DNAJC5B: variants seen among roughly 807,000 people sequenced by gnomAD.
The protein encoded by DNAJC5B is DnaJ heat shock protein family (Hsp40) member C5 beta.
A neutral mutation model predicts 24.7 loss-of-function variants in DNAJC5B; 23 were observed. That is an observed-to-expected ratio of 0.93 (90% CI 0.67 to 1.32). DNAJC5B has a LOEUF of 1.32. Among genes scored for constraint, DNAJC5B ranks in the 40% most tolerant of loss-of-function variants. The pLI is 0.00. For missense variants in DNAJC5B, 238 were observed against 240.8 expected, an observed-to-expected ratio of 0.99 and a Z score of 0.08; for synonymous variants, 101 against 90.1, an observed-to-expected ratio of 1.12 and a Z score of -0.68.
At chr8:66,081,909 G>C (rs2128964966) in intron 5 of DNAJC5B, among the ~76,000 whole-genome samples, 1 of 152,138 alleles carries the variant, frequency 6.6e-6, no homozygotes, top group East Asian at 1.9e-4. Flanking sequence ...AGATGTAAAA[G>C]GACAAATTAA....
intron 1 of DNAJC5B, among the ~76,000 whole-genome samples, chr8:66,030,496 T>C (rs1806335402): frequency 6.6e-6 from 1 of 152,232 alleles, no homozygotes; most frequent in Non-Finnish European, 1.5e-5. Flanking sequence ...TCCAGAATCA[T>C]GGGTCACAAT....
rs748922365 is a variant in DNAJC5B at position 66,100,022 on chromosome 8, A to C, written c.591A>C (p.Thr197=). The C allele has an allele frequency of 6.2e-7, 1 of 1,613,924 alleles. No homozygotes were observed. The highest frequency in any genetic ancestry group is 1.1e-5 in the South Asian group (1 of 91,056). ...AAGAAGGATCTCGAAGTTATTGCAC[A>C]GACTCTTGATATTGAGCCCTCAGAG... The part of the protein sequence containing the change: ...LIKEGSRSYC[T]DS Residue 197 remains threonine, a synonymous_variant, in exon 6 of 6, where the codon ACA becomes ACC. Transcript: ENST00000276570.
At chr8:66,020,594 C>CTGTGTGTGTGTG (rs10526018), upstream of DNAJC5B, among the ~76,000 whole-genome samples, 6 of 132,354 alleles carry the variant, frequency 4.5e-5, no homozygotes, top group East Asian at 2.5e-4. Context: ...AATCAATACT[C>CTGTGTGTGTGTG]TGTGTGTGTG....
intron 4 of DNAJC5B, among the ~76,000 whole-genome samples, chr8:66,079,633 A>C (rs1264040338): frequency 6.6e-6 from 1 of 152,230 alleles, no homozygotes; most frequent in African/African-American, 2.4e-5. Flanking sequence ...AGGCATTGGC[A>C]GAGCCAGATC....
chr8:66,074,926 A>G (rs1039453313), intron 3 of DNAJC5B, among the ~76,000 whole-genome samples: 2 of 152,170 alleles, frequency 1.3e-5, no homozygotes, highest in African/African-American at 4.8e-5. Flanking sequence ...TGCCAACTCC[A>G]TTGTTAGGAG....
chr8:66,029,424 C>T (rs984334856), intron 1 of DNAJC5B, among the ~76,000 whole-genome samples: 4 of 152,090 alleles, frequency 2.6e-5, no homozygotes, highest in Non-Finnish European at 5.9e-5. Context: ...GGGGCAAGTC[C>T]GTGGGGCTGG....
intron 3 of DNAJC5B, among the ~76,000 whole-genome samples, chr8:66,062,247 T>C (rs968113419): frequency 6.6e-6 from 1 of 152,232 alleles, no homozygotes; most frequent in Non-Finnish European, 1.5e-5. Flanking sequence ...GGACCATTTC[T>C]CAAATAATTA....
chr8:66,081,005 T>C (rs992143239), intron 5 of DNAJC5B, among the ~76,000 whole-genome samples: 2 of 152,172 alleles, frequency 1.3e-5, no homozygotes, highest in Admixed American at 1.3e-4. Flanking sequence ...TTTTAATGAC[T>C]TGATTATGAA....
At position 66,061,606 on chromosome 8, in the gene DNAJC5B, AGAGAGT is replaced by A. The variant is rs1177912473; in HGVS notation, c.119+9942_119+9947del. On this transcript the variant is annotated intron_variant, in intron 3 of 5. Coordinates refer to ENST00000276570, the MANE Select transcript of DNAJC5B (RefSeq NM_033105.6). ...AGAATGGATAGAGAGAGAGAGAGAG[AGAGAGT>A]GTGTGTGTGTGTGTGTGTGTGTGCG... Among the ~76,000 whole-genome samples, 128 of 150,158 alleles carry A rather than the reference AGAGAGT, an allele frequency of 8.5e-4. 1 individual carries two copies. Among genetic ancestry groups the A allele is most frequent in the African/African-American group, 3.2e-3 (127 of 40,104 alleles).
At chr8:66,091,653 G>T (rs187080443) in intron 5 of DNAJC5B, among the ~76,000 whole-genome samples, 9 of 152,232 alleles carry the variant, frequency 5.9e-5, no homozygotes, top group African/African-American at 2.2e-4. Flanking sequence ...CTTAGACAAA[G>T]GTTCAAACCA....
At chr8:66,092,249 C>A (rs1807863380) in intron 5 of DNAJC5B, among the ~76,000 whole-genome samples, 1 of 152,154 alleles carries the variant, frequency 6.6e-6, no homozygotes, top group African/African-American at 2.4e-5. Context: ...AAACTGAACA[C>A]CCTTCCTTCA....
chr8:66,072,654 A>C (rs1463300687), intron 3 of DNAJC5B, among the ~76,000 whole-genome samples: 1 of 152,156 alleles, frequency 6.6e-6, no homozygotes, highest in Non-Finnish European at 1.5e-5. Flanking sequence ...ACTAGTGGCT[A>C]AAAATAACAA....
upstream of DNAJC5B, among the ~76,000 whole-genome samples, chr8:66,020,052 A>T (rs1806070279): frequency 6.6e-6 from 1 of 152,266 alleles, no homozygotes; most frequent in Non-Finnish European, 1.5e-5. Context: ...TGCTTAAGGC[A>T]GTGGCCTTCA....
chr8:66,080,569 A>T (rs1352783341), intron 5 of DNAJC5B, 21 bp downstream of exon 5: 1 of 1,571,750 alleles, frequency 6.4e-7, no homozygotes, highest in Admixed American at 1.8e-5. Flanking sequence ...ATGAGAGCAG[A>T]GGTAGTGAGT....
intron 5 of DNAJC5B, among the ~76,000 whole-genome samples, chr8:66,089,189 G>C (rs1232931020): frequency 6.6e-6 from 1 of 152,184 alleles, no homozygotes; most frequent in East Asian, 1.9e-4. Flanking sequence ...AAGGCGACAG[G>C]AGACAGAGGA....
Position 66,051,560 on chromosome 8 carries a change from A to T in DNAJC5B, c.13A>T (p.Ile5Leu). ...GCAGCCTTAGAAAATGGCATGTAAC[A>T]TACCTAACCAAAGACAGCGGACTCT... MACNIPNQRQRTLST... is the reference protein window; with the variant it reads MACNLPNQRQRTLST... The change falls in exon 3 of 6, where the codon ATA (isoleucine) becomes TTA (leucine). Residue 5 changes from isoleucine to leucine, a missense_variant. By Grantham distance (5) the Ile-to-Leu change is conservative. Transcript: ENST00000276570. 2 of 1,613,850 alleles carry T rather than the reference A, an allele frequency of 1.2e-6. No individual in the cohort carries two copies. The highest frequency in any genetic ancestry group is 1.7e-6 in the Non-Finnish European group (2 of 1,179,882).
At chr8:66,083,550 A>T (rs1203030969) in intron 5 of DNAJC5B, among the ~76,000 whole-genome samples, 2 of 152,174 alleles carry the variant, frequency 1.3e-5, no homozygotes, top group Non-Finnish European at 2.9e-5. Context: ...TTTGATTTGT[A>T]CATTTCAAAC....
intron 3 of DNAJC5B, among the ~76,000 whole-genome samples, chr8:66,054,003 T>G (rs1302838080): frequency 6.6e-6 from 1 of 152,054 alleles, no homozygotes. Flanking sequence ...AGCCTGATTT[T>G]TAATGGCTGT....
intron 1 of DNAJC5B, among the ~76,000 whole-genome samples, chr8:66,034,722 C>T (rs1806443717): frequency 6.6e-6 from 1 of 151,728 alleles, no homozygotes. Context: ...AGGGTCATCT[C>T]AAAGAATATG....
Sources: allele counts gnomAD v4.1 joint callset (sites outside exome capture counted in the v4.1 genomes callset), GRCh38; gene constraint gnomAD v4.1.1; transcripts MANE v1.5; gene names NCBI Gene and HGNC (gene_info 2026-07-23, HGNC 2026-07-21).